Variants in PTCD3 observed in about 807,000 individuals in gnomAD.
PTCD3 encodes the protein small ribosomal subunit protein mS39.
A neutral mutation model predicts 101.9 loss-of-function variants in PTCD3; 89 were observed. The observed-to-expected ratio is 0.87, with a 90% CI of 0.74 to 1.04. The LOEUF (loss-of-function observed/expected upper bound fraction) is 1.04, where lower values mean the gene tolerates loss of function less well. PTCD3 is among the 50% of genes least tolerant of loss of function. The pLI is 0.00. For missense variants in PTCD3, 870 were observed against 828.2 expected (o/e 1.05, Z -0.62); for synonymous variants, 296 against 278.5 (o/e 1.06, Z -0.63).
At position 86,141,993 on chromosome 2, in the gene PTCD3, A is replaced by G. The variant is rs1450656673; in HGVS notation, c.*4434A>G. ...GAAGATTTTTAAGCACGAGGAAGGA[A>G]AATACAGGCCTGGCCAAGCAGGGTC... On this transcript the variant is annotated 3_prime_UTR_variant, in exon 24 of 24. Coordinates refer to ENST00000254630, the MANE Select transcript of PTCD3 (RefSeq NM_017952.6). The G allele has an allele frequency of 6.6e-6, 1 of 152,204 alleles. No homozygotes were observed. The highest frequency in any genetic ancestry group is 1.5e-5 in the Non-Finnish European group (1 of 68,060). The allele number at this position is 152,204 out of a possible 1,614,324, so 9.4% of individuals were successfully genotyped here.
At chr2:86,136,045 C>G (rs372355480) in intron 21 of PTCD3, 1 of 518,870 alleles carries the variant, frequency 1.9e-6, no homozygotes, top group Non-Finnish European at 3.8e-6. Flanking sequence ...TGAACCCCTG[C>G]TGTACTTTAA....
intron 1 of PTCD3, 52 bp downstream of exon 1, chr2:86,106,403 C>G (rs769643952): frequency 6.4e-7 from 1 of 1,550,946 alleles, no homozygotes; most frequent in Admixed American, 1.8e-5. Context: ...CACCTTAGTC[C>G]TATGTTTCCC....
chr2:86,135,782 C>T (rs1254684528), intron 21 of PTCD3: 1 of 407,944 alleles, frequency 2.5e-6, no homozygotes, highest in Non-Finnish European at 4.8e-6. Flanking sequence ...ACACGTGTCT[C>T]TCTAGCAACT....
In PTCD3 at chr2:86,116,586, ATCTTT is replaced by A. The variant is rs1480902927; in HGVS notation, c.298_302del (p.Ser100GlyfsTer21). 6.2e-7 allele frequency: 1 copy of A among 1,606,436 alleles called. No homozygotes were observed. The highest frequency in any genetic ancestry group is 1.7e-5 in the Admixed American group (1 of 59,992). On this transcript the variant is annotated frameshift_variant, in exon 5 of 24. Transcript: ENST00000254630. LOFTEE classifies it high-confidence loss of function. ...ATGATCCTTACCTTATGCCAGCATC[ATCTTT>A]GGAATCTGTGAGTATTTTCATATAA... is the stretch of plus-strand genomic sequence containing the variant.
chr2:86,117,246 T>C (rs1674192876), intron 6 of PTCD3, 87 bp downstream of exon 6: 2 of 587,508 alleles, frequency 3.4e-6, no homozygotes, highest in East Asian at 5.7e-5. Flanking sequence ...TCAGTAGCTA[T>C]TTGAATACCC....
rs772896863 is a variant in PTCD3 at position 86,130,628 on chromosome 2, T to C, written c.1148-20T>C. The C allele has an allele frequency of 1.2e-6, 2 of 1,604,150 alleles. No individual in the cohort carries two copies. Among genetic ancestry groups the C allele is most frequent in the Non-Finnish European group, 1.7e-6 (2 of 1,175,446 alleles). On this transcript the variant is annotated intron_variant, in intron 14 of 23. Transcript: ENST00000254630. Reference sequence around the variant, plus strand: ...TGGTAAAGGAAGTGGATTAAACACATTTGCTTTCTTGTTCTGCAGGAGACC... The same window carrying C: ...TGGTAAAGGAAGTGGATTAAACACACTTGCTTTCTTGTTCTGCAGGAGACC...
In PTCD3 at chr2:86,131,105, T is replaced by TAGTA; in HGVS notation, c.1266+4_1266+7dup. On this transcript the variant is annotated frameshift_variant and splice_region_variant, in exon 16 of 24. Coordinates refer to ENST00000254630, the MANE Select transcript of PTCD3 (RefSeq NM_017952.6). LOFTEE classifies it high-confidence loss of function. ...AAGTTTTTTCAGTCAGCCATGAGCA[T>TAGTA]AGTAAGTATCATTTCTTTATTAATT... 1 of 1,597,496 alleles carries TAGTA rather than the reference T, an allele frequency of 6.3e-7. No individual in the cohort carries two copies. The highest frequency in any genetic ancestry group is 8.5e-7 in the Non-Finnish European group (1 of 1,171,128).
At chr2:86,108,323 A>G (rs374515202) in intron 1 of PTCD3, 27 bp from the exon 2 acceptor site, 153 of 1,599,288 alleles carry the variant, frequency 9.6e-5, no homozygotes, top group Middle Eastern at 1.7e-4. Flanking sequence ...AATGACTATT[A>G]GATTTAAGGC....
chr2:86,114,369 G>A (rs1203553056), intron 4 of PTCD3, among the ~76,000 whole-genome samples: 1 of 151,768 alleles, frequency 6.6e-6, no homozygotes, highest in Non-Finnish European at 1.5e-5. Flanking sequence ...CTCACTGCAA[G>A]CTCTGCCTCC....
chr2:86,109,845 A>G (rs776457744), intron 3 of PTCD3, among the ~76,000 whole-genome samples: 4 of 152,256 alleles, frequency 2.6e-5, no homozygotes, highest in Non-Finnish European at 5.9e-5. Flanking sequence ...AATTAGCTCT[A>G]TATTTAATAA....
At chr2:86,134,721 A>G (rs1674552218) in intron 20 of PTCD3, 118 bp from the exon 21 acceptor site, 3 of 1,170,004 alleles carry the variant, frequency 2.6e-6, no homozygotes, top group East Asian at 2.3e-5. Flanking sequence ...TGCTATACAC[A>G]TAATATATTC....
At chr2:86,123,999 G>GT (rs1339245414) in intron 9 of PTCD3, among the ~76,000 whole-genome samples, 4 of 151,748 alleles carry the variant, frequency 2.6e-5, no homozygotes, top group Admixed American at 2.6e-4. Context: ...TCCCTCATCT[G>GT]TTTAACTCAG....
chr2:86,106,821 A>T (rs1673962560), intron 1 of PTCD3, among the ~76,000 whole-genome samples: 1 of 152,236 alleles, frequency 6.6e-6, no homozygotes, highest in African/African-American at 2.4e-5. Context: ...AAAAGATCTG[A>T]CTATGCCCTT....
chr2:86,109,251 A>G (rs916831227), intron 3 of PTCD3, among the ~76,000 whole-genome samples: 1 of 152,054 alleles, frequency 6.6e-6, no homozygotes, highest in African/African-American at 2.4e-5. Flanking sequence ...TAAAAATACA[A>G]AAAAATTAGC....
chr2:86,108,706 G>A, intron 3 of PTCD3, 170 bp downstream of exon 3: 2 of 561,346 alleles, frequency 3.6e-6, no homozygotes, highest in South Asian at 7.2e-5. Flanking sequence ...ATGGAAAGGT[G>A]GAGAATAGTG....
In PTCD3 at chr2:86,133,170, C is replaced by T. The variant is rs779565395; in HGVS notation, c.1374-8C>T. ...TTAGACTAAACATACTTTTTGCCTT[C>T]ATCACAGTTCCAAGTTCTTCGATTT... is the stretch of plus-strand genomic sequence containing the variant. On this transcript the variant is annotated splice_polypyrimidine_tract_variant and splice_region_variant and intron_variant, in intron 17 of 23. Coordinates refer to ENST00000254630, the MANE Select transcript of PTCD3 (RefSeq NM_017952.6). 4 of 1,611,334 alleles carry T rather than the reference C, an allele frequency of 2.5e-6. No homozygotes were observed. Among genetic ancestry groups the T allele is most frequent in the Admixed American group, 1.7e-5 (1 of 59,430 alleles).
At chr2:86,126,999 A>AT (rs1431750774) in intron 12 of PTCD3, among the ~76,000 whole-genome samples, 162 bp from the exon 13 acceptor site, 1 of 152,210 alleles carries the variant, frequency 6.6e-6, no homozygotes, top group Non-Finnish European at 1.5e-5. Flanking sequence ...AGGCAGAATC[A>AT]TGGAACCTGC....
At position 86,132,431 on chromosome 2, in the gene PTCD3, G is replaced by A. The variant is rs1375815063; in HGVS notation, c.1373+7G>A. The A allele has an allele frequency of 2.6e-6, 4 of 1,555,924 alleles. No individual in the cohort carries two copies. The African/African-American group carries it at 4.1e-5, about 16-fold the overall frequency. On this transcript the variant is annotated splice_region_variant and intron_variant, in intron 17 of 23. Transcript: ENST00000254630. ...AACATCGTAATTTCTATTAGTAAGT[G>A]TGTTGGAAACATATCCTTTTGCATG...
chr2:86,122,171 A>G (rs1046741622), intron 8 of PTCD3, among the ~76,000 whole-genome samples: 1 of 152,256 alleles, frequency 6.6e-6, no homozygotes, highest in African/African-American at 2.4e-5. Flanking sequence ...CCAACAGTAG[A>G]TGATCAAATG....
Sources: allele counts gnomAD v4.1 joint callset (sites outside exome capture counted in the v4.1 genomes callset), GRCh38; gene constraint gnomAD v4.1.1; transcripts MANE v1.5; gene names NCBI Gene and HGNC (gene_info 2026-07-23, HGNC 2026-07-21).